The following ALDH7A1 variants were observed in gnomAD, a reference collection of about 807,000 sequenced individuals.
ALDH7A1 encodes the protein alpha-aminoadipic semialdehyde dehydrogenase.
ALDH7A1 carries 63 observed loss-of-function variants against 79.9 expected under a neutral mutation model. That is an observed-to-expected ratio of 0.79 (90% CI 0.64 to 0.97). The LOEUF is 0.97. ALDH7A1 is among the 50% of genes least tolerant of loss of function. The pLI is 0.00. For missense variants in ALDH7A1, 627 were observed against 665.2 expected, an observed-to-expected ratio of 0.94 and a Z score of 0.63; for synonymous variants, 240 against 231.2, an observed-to-expected ratio of 1.04 and a Z score of -0.34.
chr5:126,577,288 A>C, intron 5 of ALDH7A1, 77 bp from the exon 6 acceptor site: 1 of 1,524,386 alleles, frequency 6.6e-7, no homozygotes, highest in Non-Finnish European at 9.0e-7. Flanking sequence ...ACAAACGTAC[A>C]GCAGACTGGA....
At chr5:126,557,718 G>C (rs770210836) in intron 11 of ALDH7A1, among the ~76,000 whole-genome samples, 2 of 152,170 alleles carry the variant, frequency 1.3e-5, no homozygotes, top group Admixed American at 1.3e-4. Flanking sequence ...ATATGAATGA[G>C]AGCAAAAACC....
At chr5:126,568,382 C>A (rs757794486) in intron 8 of ALDH7A1, 26 bp from the exon 9 acceptor site, 122 of 1,600,862 alleles carry the variant, frequency 7.6e-5, no homozygotes, top group Non-Finnish European at 9.8e-5. Flanking sequence ...CACGGTCGGC[C>A]ACCCAAGCAG....
chr5:126,584,914 GA>G (rs1751309319), intron 3 of ALDH7A1, among the ~76,000 whole-genome samples: 1 of 152,140 alleles, frequency 6.6e-6, no homozygotes, highest in Admixed American at 6.6e-5. Context: ...TAAAGTTTGA[GA>G]TGTGATTTAT....
In ALDH7A1 at chr5:126,595,181, G is replaced by C. The variant is rs771562794; in HGVS notation, c.18C>G (p.Arg6=). The C allele has an allele frequency of 6.4e-7, 1 of 1,552,458 alleles. No homozygotes were observed. The change falls in exon 1 of 18, where the codon CGC becomes CGG. Residue 6 remains arginine (R), a synonymous_variant. Coordinates refer to ENST00000409134, the MANE Select transcript of ALDH7A1 (RefSeq NM_001182.5). MWRLP[R]ALCVHAAKTS... ...TCTTTGCAGCGTGCACACACAGCGCGCGAGGAAGGCGCCACATACTGAGCC... is the reference window on the plus strand; with the variant it reads ...TCTTTGCAGCGTGCACACACAGCGCCCGAGGAAGGCGCCACATACTGAGCC...
rs116154248 is a variant in ALDH7A1, at chr5:126,584,902, C to T, written c.313-890G>A. Among the ~76,000 whole-genome samples the T allele has an allele frequency of 3.7e-3, 563 of 152,264 alleles. 2 individuals carry two copies. Among genetic ancestry groups the T allele is most frequent in the African/African-American group, 0.013 (537 of 41,552 alleles). ...GGGGTAAAGAGCACAGCTTATGTCA[C>T]ATAAAGTTTGAGATGTGATTTATGA... On this transcript the variant is annotated intron_variant, in intron 3 of 17. Coordinates refer to ENST00000409134, the MANE Select transcript of ALDH7A1 (RefSeq NM_001182.5).
chr5:126,582,566 A>G (rs1046280981), intron 5 of ALDH7A1, among the ~76,000 whole-genome samples: 1 of 152,198 alleles, frequency 6.6e-6, no homozygotes, highest in African/African-American at 2.4e-5. Flanking sequence ...GGCTCTTTAA[A>G]GTTAGAGCTC....
At chr5:126,573,519 G>A (rs796424218) in intron 7 of ALDH7A1, among the ~76,000 whole-genome samples, 53 of 152,050 alleles carry the variant, frequency 3.5e-4, no homozygotes, top group African/African-American at 1.2e-3. Flanking sequence ...CCAACATGGT[G>A]AAACCCCATC....
intron 7 of ALDH7A1, among the ~76,000 whole-genome samples, chr5:126,574,365 A>C (rs1311741369): frequency 6.6e-6 from 1 of 150,494 alleles, no homozygotes; most frequent in Non-Finnish European, 1.5e-5. Context: ...GCACCACTGC[A>C]CTCCAGCCTG....
intron 9 of ALDH7A1, among the ~76,000 whole-genome samples, chr5:126,563,864 C>A (rs1217966970): frequency 1.3e-5 from 2 of 152,044 alleles, no homozygotes; most frequent in African/African-American, 2.4e-5. Flanking sequence ...TCATAGCTCA[C>A]TGCAGCCTCA....
chr5:126,578,638 C>CAAAAAAAAAAAA (rs70994880), intron 5 of ALDH7A1, among the ~76,000 whole-genome samples: 1 of 90,394 alleles, frequency 1.1e-5, no homozygotes, highest in Non-Finnish European at 2.5e-5. Flanking sequence ...GACCCTGTAT[C>CAAAAAAAAAAAA]AAAAAAAAAA....
chr5:126,568,333 C>A lies in ALDH7A1; in HGVS notation c.797G>T (p.Arg266Leu). Residue 266 changes from arginine (R) to leucine (L), a missense_variant, in exon 9 of 18, where the codon CGA becomes CTA. Arg to Leu is a moderately radical substitution (Grantham distance 102). Coordinates refer to ENST00000409134, the MANE Select transcript of ALDH7A1 (RefSeq NM_001182.5). ...DIGTAMAKDERVNLLSFTGST... is the reference protein window; with the variant it reads ...DIGTAMAKDELVNLLSFTGST... The stretch of plus-strand genomic sequence containing the variant: ...CCCAGTGAAGGACAGCAGGTTCACT[C>A]GTTCATCTTTGGCCATTGCTGTGCT... 1.2e-6 allele frequency: 2 copies of A among 1,614,090 alleles called. No individual in the cohort carries two copies. The highest frequency in any genetic ancestry group is 1.7e-6 in the Non-Finnish European group (2 of 1,179,966).
At chr5:126,592,551 G>A in intron 3 of ALDH7A1, 113 bp downstream of exon 3, 1 of 1,039,998 alleles carries the variant, frequency 9.6e-7, no homozygotes, top group Non-Finnish European at 1.5e-6. Context: ...CCCCCAAGGA[G>A]CTCACATTTT....
intron 7 of ALDH7A1, 92 bp from the exon 8 acceptor site, chr5:126,570,951 C>T: frequency 8.1e-7 from 1 of 1,233,772 alleles, no homozygotes; most frequent in South Asian, 1.2e-5. Context: ...CTCCTTTTTT[C>T]AACTTTCTCT....
intron 9 of ALDH7A1, among the ~76,000 whole-genome samples, chr5:126,567,371 G>A (rs1273345507): frequency 6.6e-6 from 1 of 152,098 alleles, no homozygotes; most frequent in African/African-American, 2.4e-5. Context: ...ATAAATTTAT[G>A]TTCAAGTACT....
chr5:126,568,078 A>G, intron 9 of ALDH7A1, 181 bp downstream of exon 9: 1 of 604,814 alleles, frequency 1.7e-6, no homozygotes, highest in South Asian at 1.9e-5. Context: ...TGGTATTTAA[A>G]TTTAGGACTT....
rs1261667895 is a variant in ALDH7A1 at position 126,544,298 on chromosome 5, T to C, written c.*667A>G. ...CTATACAACTCTGCACGGGCAATTT[T>C]GGCCTCAGAGTCCTCCAGCAGGTGG... On this transcript the variant is annotated 3_prime_UTR_variant, in exon 18 of 18. Transcript: ENST00000409134. The C allele has an allele frequency of 6.5e-6, 1 of 154,604 alleles. No individual in the cohort carries two copies. Among genetic ancestry groups the C allele is most frequent in the African/African-American group, 2.4e-5 (1 of 41,456 alleles). The allele number at this position is 154,604 out of a possible 1,614,324, so 9.6% of individuals were successfully genotyped here. A position where few individuals can be genotyped will look rare whatever the true frequency, so the allele number is the denominator to read the frequency against.
intron 6 of ALDH7A1, 94 bp downstream of exon 6, chr5:126,576,985 T>C: frequency 3.9e-6 from 6 of 1,534,408 alleles, no homozygotes; most frequent in Non-Finnish European, 4.5e-6. Context: ...GATGCACACT[T>C]ATAATCCCAG....
intron 16 of ALDH7A1, among the ~76,000 whole-genome samples, chr5:126,547,268 A>T (rs1163049070): frequency 2.6e-5 from 4 of 151,984 alleles, no homozygotes; most frequent in Non-Finnish European, 5.9e-5. Context: ...TCCCCAACAA[A>T]CTCTTTTATT....
rs564223396 is a variant in ALDH7A1, at chr5:126,554,570, G to A, written c.1094-177C>T. The stretch of plus-strand genomic sequence containing the variant: ...ATGGTAAATATTTTATGCTTTGGAG[G>A]ACATACGTGATCTCCATCCCAATAC... On this transcript the variant is annotated intron_variant, in intron 12 of 17. Transcript: ENST00000409134. 3 of 651,850 alleles carry A rather than the reference G, an allele frequency of 4.6e-6. No individual in the cohort carries two copies. The East Asian group carries it at 8.4e-5, about 18-fold the overall frequency. The allele number at this position is 651,850 out of a possible 1,614,324, so 40.4% of individuals were successfully genotyped here. A position where few individuals can be genotyped will look rare whatever the true frequency, so the allele number is the denominator to read the frequency against.
Sources: gnomAD v4.1 joint callset for allele counts (sites outside exome capture counted in the v4.1 genomes callset) on GRCh38, gnomAD v4.1.1 for gene constraint, MANE v1.5 for transcripts, NCBI Gene and HGNC (gene_info 2026-07-23, HGNC 2026-07-21) for gene names.